SMC3: variants seen among roughly 807,000 people sequenced by gnomAD.
SMC3 encodes structural maintenance of chromosomes 3.
SMC3 carries 20 observed loss-of-function variants against 171.8 expected under a neutral mutation model. The ratio of observed to expected loss-of-function variants is 0.12; its 90% CI spans 0.08 to 0.17. The LOEUF is 0.17. SMC3 is among the 10% of genes least tolerant of loss of function. The probability of loss-of-function intolerance (pLI) is 1.00; values close to 1 mark genes in which losing one functional copy is unlikely to be tolerated. For synonymous variants in SMC3, 464 were observed against 451.1 expected (o/e 1.03, Z -0.36); for missense variants, 543 against 1,420.4 (o/e 0.38, Z 9.93).
chr10:110,580,440 C>A (rs939211323), intron 7 of SMC3, among the ~76,000 whole-genome samples: 1 of 151,996 alleles, frequency 6.6e-6, no homozygotes, highest in African/African-American at 2.4e-5. Flanking sequence ...ACTTGTTAGC[C>A]CTATTCATAA....
chr10:110,577,385 C>G, intron 4 of SMC3, 36 bp from the exon 5 acceptor site: 2 of 1,510,370 alleles, frequency 1.3e-6, no homozygotes, highest in Non-Finnish European at 9.2e-7. Flanking sequence ...GAATATACAA[C>G]TTAAATGGCA....
At chr10:110,598,313 A>G (rs755629785) in intron 20 of SMC3, 23 bp downstream of exon 20, 5 of 1,605,334 alleles carry the variant, frequency 3.1e-6, no homozygotes, top group African/African-American at 2.7e-5. Context: ...ATCTTTGGTT[A>G]TAGATCGATT....
At chr10:110,596,043 G>T (rs1003560036) in intron 18 of SMC3, among the ~76,000 whole-genome samples, 1 of 147,106 alleles carries the variant, frequency 6.8e-6, no homozygotes, top group African/African-American at 2.5e-5. Flanking sequence ...TTCGAGAACC[G>T]CCTGGGCACA....
At chr10:110,583,619 C>A in intron 11 of SMC3, 71 bp downstream of exon 11, 1 of 1,513,450 alleles carries the variant, frequency 6.6e-7, no homozygotes, top group Non-Finnish European at 9.1e-7. Flanking sequence ...ACAGCCCTTT[C>A]TGTGACTGGT....
intron 3 of SMC3, among the ~76,000 whole-genome samples, chr10:110,573,958 C>G (rs1860911040): frequency 6.6e-6 from 1 of 152,082 alleles, no homozygotes; most frequent in African/African-American, 2.4e-5. Context: ...GGGCAAAACA[C>G]GTAGCCTCTC....
Position 110,600,521 on chromosome 10 carries a change from GA to G in SMC3, c.2514del (p.Lys838AsnfsTer6). 1 of 1,565,424 alleles carries G rather than the reference GA, an allele frequency of 6.4e-7. No homozygotes were observed. Among genetic ancestry groups the G allele is most frequent in the Non-Finnish European group, 8.8e-7 (1 of 1,136,858 alleles). ...GAGACTTATCTCAATGAGAATCTGA[GA>G]AAACGCTTGGACCAAGTAGAACAGG... ...RVETYLNENL[R>X]KRLDQVEQEL... On this transcript the variant is annotated frameshift_variant, in exon 22 of 29. Transcript: ENST00000361804. LOFTEE classifies it high-confidence loss of function.
chr10:110,577,280 G>A (rs1180881965), intron 4 of SMC3, 141 bp from the exon 5 acceptor site: 2 of 660,266 alleles, frequency 3.0e-6, no homozygotes, highest in Non-Finnish European at 5.5e-6. Context: ...CGTTAGATTA[G>A]TGTGTGTGTG....
chr10:110,587,726 T>G (rs1008222277), intron 13 of SMC3, among the ~76,000 whole-genome samples: 4 of 151,658 alleles, frequency 2.6e-5, no homozygotes, highest in African/African-American at 9.7e-5. Flanking sequence ...TAAGCTGTAA[T>G]GCTAGTTAAT....
At chr10:110,595,640 A>C (rs944369901) in intron 18 of SMC3, among the ~76,000 whole-genome samples, 3 of 152,200 alleles carry the variant, frequency 2.0e-5, no homozygotes, top group Non-Finnish European at 4.4e-5. Context: ...CAAAATGGTG[A>C]TTCATAAATT....
In SMC3 at chr10:110,593,200, C is replaced by A; in HGVS notation, c.1940C>A (p.Thr647Asn). Reference protein sequence around the residue: ...EVSTQLARAFTMDCITLEGDQ... With the variant: ...EVSTQLARAFNMDCITLEGDQ... ...TCAACCCAGCTGGCCCGTGCTTTCA[C>A]TATGGACTGTATTACTTTGGAAGGT... The change falls in exon 18 of 29, where the codon ACT becomes AAT. Residue 647 changes from threonine to asparagine, a missense_variant. Coordinates refer to ENST00000361804, the MANE Select transcript of SMC3 (RefSeq NM_005445.4). The A allele has an allele frequency of 6.2e-7, 1 of 1,614,110 alleles. No homozygotes were observed. The highest frequency in any genetic ancestry group is 8.5e-7 in the Non-Finnish European group (1 of 1,179,966).
At chr10:110,591,487 A>T (rs147414207) in intron 17 of SMC3, among the ~76,000 whole-genome samples, 500 of 152,332 alleles carry the variant, frequency 3.3e-3, no homozygotes, top group Non-Finnish European at 5.2e-3. Context: ...GGAGTGACAT[A>T]ATTAAGGTTA....
Position 110,567,828 on chromosome 10 carries a change from GC to G in SMC3, c.13del (p.Gln5ArgfsTer2). ...AGGGGCCCGGAATCATGTACATAAA[GC>G]AGGTAAGGCCTTCGCGTCCCTCCAC... MYIKQVIIQGFRSYR... is the reference protein window; with the variant it reads MYIKXVIIQGFRSYR... On this transcript the variant is annotated frameshift_variant and splice_region_variant, in exon 1 of 29. Coordinates refer to ENST00000361804, the MANE Select transcript of SMC3 (RefSeq NM_005445.4). LOFTEE classifies it high-confidence loss of function. The G allele has an allele frequency of 6.2e-7, 1 of 1,613,522 alleles. No individual in the cohort carries two copies. Among genetic ancestry groups the G allele is most frequent in the African/African-American group, 1.3e-5 (1 of 75,048 alleles).
At chr10:110,594,513 G>A (rs533366688) in intron 18 of SMC3, among the ~76,000 whole-genome samples, 36 of 152,116 alleles carry the variant, frequency 2.4e-4, no homozygotes, top group Non-Finnish European at 1.8e-4. Context: ...TGTCGTGTTC[G>A]TTATAGAAGG....
rs147509994 is a variant in SMC3 at position 110,576,228 on chromosome 10, G to A, written c.198+825G>A. On this transcript the variant is annotated intron_variant, in intron 4 of 28. Transcript: ENST00000361804. ...GAAAGTAAAAAACAGTGATTTTATGGATACTCAAATTATGGTTTCTACTGA... is the reference window on the plus strand; with the variant it reads ...GAAAGTAAAAAACAGTGATTTTATGAATACTCAAATTATGGTTTCTACTGA... Among the ~76,000 whole-genome samples the A allele has an allele frequency of 8.2e-3, 1,251 of 152,250 alleles. 11 individuals carry two copies. The highest frequency in any genetic ancestry group is 0.034 in the Middle Eastern group (10 of 294).
At chr10:110,584,702 T>C (rs1861082757) in intron 13 of SMC3, among the ~76,000 whole-genome samples, 1 of 152,244 alleles carries the variant, frequency 6.6e-6, no homozygotes, top group Non-Finnish European at 1.5e-5. Flanking sequence ...CACAACTCAC[T>C]GCAGCCTCCA....
At chr10:110,599,042 T>TTA (rs1554883904) in intron 20 of SMC3, among the ~76,000 whole-genome samples, 1 of 140,920 alleles carries the variant, frequency 7.1e-6, no homozygotes, top group African/African-American at 2.6e-5. Context: ...ACAAAGAGCT[T>TTA]AAAAAAAAAA....
intron 25 of SMC3, 48 bp downstream of exon 25, chr10:110,602,226 TC>T: frequency 6.7e-7 from 1 of 1,498,608 alleles, no homozygotes; most frequent in Non-Finnish European, 9.3e-7. Flanking sequence ...GACAAAAGCT[TC>T]CAGCTCTTTT....
intron 23 of SMC3, 96 bp downstream of exon 23, chr10:110,601,226 A>C (rs1162390369): frequency 5.5e-6 from 5 of 915,628 alleles, no homozygotes; most frequent in Middle Eastern, 4.9e-4. Context: ...GCATATGCTA[A>C]TGATTTTTTG....
In SMC3 at chr10:110,567,724, G is replaced by A. The variant is rs540090376; in HGVS notation, c.-93G>A. ...GGCTGAGGGGAGCGAGCGGCGCTTT[G>A]GGGGAGGGGTCGCGTAGGCGCCTCA... On this transcript the variant is annotated 5_prime_UTR_variant, in exon 1 of 29. Transcript: ENST00000361804. 48 of 1,487,828 alleles carry A rather than the reference G, an allele frequency of 3.2e-5. 1 individual carries two copies. Among genetic ancestry groups the A allele is most frequent in the South Asian group, 2.2e-4 (19 of 87,694 alleles). The allele number at this position is 1,487,828 out of a possible 1,614,324, so 92.2% of individuals were successfully genotyped here.
Sources: allele counts gnomAD v4.1 joint callset (sites outside exome capture counted in the v4.1 genomes callset), GRCh38; gene constraint gnomAD v4.1.1; transcripts MANE v1.5; gene names NCBI Gene and HGNC (gene_info 2026-07-23, HGNC 2026-07-21).